The following TFEC variants were observed in gnomAD, a reference collection of about 807,000 sequenced individuals.
The protein encoded by TFEC is class E basic helix-loop-helix protein 34.
A neutral mutation model predicts 41.6 loss-of-function variants in TFEC; 31 were observed. That is an observed-to-expected ratio of 0.74 (90% CI 0.56 to 1.01). The LOEUF (loss-of-function observed/expected upper bound fraction) is 1.01, where lower values mean the gene tolerates loss of function less well. Among genes scored for constraint, TFEC ranks in the 50% least tolerant of loss-of-function variants. The pLI is 0.00. For synonymous variants in TFEC, 143 were observed against 140.6 expected (o/e 1.02, Z -0.12); for missense variants, 402 against 404.1 (o/e 0.99, Z 0.04).
intron 3 of TFEC, among the ~76,000 whole-genome samples, chr7:116,089,192 T>C (rs1797268180): frequency 1.3e-5 from 2 of 152,120 alleles, no homozygotes; most frequent in African/African-American, 4.8e-5. Flanking sequence ...ATATATCTGA[T>C]TATATAGAAT....
intron 2 of TFEC, among the ~76,000 whole-genome samples, chr7:115,983,954 C>T (rs1418155356): frequency 6.6e-6 from 1 of 152,000 alleles, no homozygotes; most frequent in Non-Finnish European, 1.5e-5. Flanking sequence ...ATAAATATTT[C>T]AACTAAATTT....
chr7:116,095,804 G>A lies in TFEC; in HGVS notation c.198+14904C>T, dbSNP rs541854638. Among the ~76,000 whole-genome samples the A allele has an allele frequency of 4.6e-5, 7 of 151,218 alleles. No homozygotes were observed. In the South Asian group the frequency reaches 1.5e-3, roughly 32 times the overall value. On this transcript the variant is annotated intron_variant, in intron 3 of 8. Coordinates refer to the TFEC transcript ENST00000484212. ...CTCTTTCTTGAATATCTCTTGCTTT[G>A]CCCTCTATCATATCACACTACTTTT...
At chr7:115,967,939 A>C (rs931527414) in intron 3 of TFEC, among the ~76,000 whole-genome samples, 1 of 151,856 alleles carries the variant, frequency 6.6e-6, no homozygotes, top group Non-Finnish European at 1.5e-5. Context: ...AAAAAGTAAT[A>C]ATAAACAGGA....
At chr7:116,064,145 T>G (rs761430853) in intron 3 of TFEC, among the ~76,000 whole-genome samples, 1 of 151,994 alleles carries the variant, frequency 6.6e-6, no homozygotes, top group Non-Finnish European at 1.5e-5. Context: ...AAAAATAACT[T>G]AAAGAGATTT....
At chr7:116,058,011 T>C (rs1030816896) in intron 3 of TFEC, among the ~76,000 whole-genome samples, 2 of 151,714 alleles carry the variant, frequency 1.3e-5, no homozygotes, top group African/African-American at 2.4e-5. Flanking sequence ...AGTATCAAGA[T>C]GACAGATTTA....
At chr7:115,951,006 C>A in intron 5 of TFEC, 57 bp from the exon 6 acceptor site, 3 of 1,055,486 alleles carry the variant, frequency 2.8e-6, no homozygotes, top group South Asian at 3.8e-5. Context: ...CACTTTTGGT[C>A]AGCTGTAAAC....
chr7:116,159,322 T>G (rs1798928945), intron 1 of TFEC, among the ~76,000 whole-genome samples: 1 of 152,022 alleles, frequency 6.6e-6, no homozygotes, highest in African/African-American at 2.4e-5. Flanking sequence ...AACCATTTTG[T>G]CTTGTGTTTT....
At chr7:116,140,115 A>G (rs1402927678) in intron 1 of TFEC, among the ~76,000 whole-genome samples, 2 of 152,208 alleles carry the variant, frequency 1.3e-5, no homozygotes, top group African/African-American at 4.8e-5. Flanking sequence ...GAGGTGAAGG[A>G]CTGTGAGGAA....
chr7:116,032,033 A>G (rs1442209729), upstream of TFEC, among the ~76,000 whole-genome samples: 1 of 152,160 alleles, frequency 6.6e-6, no homozygotes, highest in Non-Finnish European at 1.5e-5. Flanking sequence ...TTTGTATGAT[A>G]CAACATGTTT....
At chr7:116,102,678 T>C (rs1398604078) in intron 3 of TFEC, among the ~76,000 whole-genome samples, 3 of 152,220 alleles carry the variant, frequency 2.0e-5, no homozygotes, top group African/African-American at 7.2e-5. Context: ...ATTCCAGTTA[T>C]GAAGTACACA....
At chr7:116,078,391 A>G (rs1797009548) in intron 3 of TFEC, among the ~76,000 whole-genome samples, 2 of 152,116 alleles carry the variant, frequency 1.3e-5, no homozygotes, top group South Asian at 4.1e-4. Flanking sequence ...AAATGAAACA[A>G]AAAGCTGGTT....
intron 1 of TFEC, among the ~76,000 whole-genome samples, chr7:115,987,281 A>G (rs1438075419): frequency 1.3e-5 from 2 of 152,190 alleles, no homozygotes; most frequent in African/African-American, 4.8e-5. Flanking sequence ...CCCTAGAAAA[A>G]AAATCTCTGA....
intron 3 of TFEC, among the ~76,000 whole-genome samples, chr7:116,070,143 T>C (rs1196009885): frequency 1.3e-5 from 2 of 151,376 alleles, no homozygotes; most frequent in South Asian, 2.1e-4. Flanking sequence ...TCTATATATG[T>C]ATATGTGTGT....
chr7:116,139,135 G>C (rs574182670), intron 1 of TFEC, among the ~76,000 whole-genome samples: 1 of 152,130 alleles, frequency 6.6e-6, no homozygotes, highest in East Asian at 1.9e-4. Flanking sequence ...TTCCTACAAG[G>C]TGTCTCAAAA....
At chr7:116,107,316 C>A (rs1017911684) in intron 3 of TFEC, among the ~76,000 whole-genome samples, 16 of 152,162 alleles carry the variant, frequency 1.1e-4, no homozygotes, top group African/African-American at 2.4e-5. Context: ...GAACACCTGA[C>A]TTCTAAAAAA....
intron 1 of TFEC, among the ~76,000 whole-genome samples, chr7:115,998,559 A>G (rs1794459912): frequency 6.6e-6 from 1 of 151,944 alleles, no homozygotes; most frequent in South Asian, 2.1e-4. Flanking sequence ...AAAAAAAAAC[A>G]CACAACAATC....
rs570537413 is a variant in TFEC, at chr7:116,057,892, G to C, written c.198+52816C>G. On this transcript the variant is annotated intron_variant, in intron 3 of 8. Coordinates refer to the TFEC transcript ENST00000484212. ...CTAAACAAGGAATTATAGTAAGTAA[G>C]CCAACAAAGGAGATAAAATGCAATC... 3.3e-5 allele frequency among the ~76,000 whole-genome samples: 5 copies of C among 151,808 alleles called. No homozygotes were observed. In the East Asian group the frequency reaches 9.7e-4, roughly 29 times the overall value.
chr7:116,098,250 C>T (rs1388460435), intron 3 of TFEC, among the ~76,000 whole-genome samples: 1 of 151,908 alleles, frequency 6.6e-6, no homozygotes, highest in African/African-American at 2.4e-5. Context: ...ACCTCCCTCT[C>T]CCGGGTGCAA....
chr7:116,016,227 C>G (rs1795185572), intron 1 of TFEC, among the ~76,000 whole-genome samples: 1 of 152,082 alleles, frequency 6.6e-6, no homozygotes, highest in Admixed American at 6.6e-5. Context: ...ATAACTGGGT[C>G]ACTGGCAAGC....
Sources: gnomAD v4.1 joint callset for allele counts (sites outside exome capture counted in the v4.1 genomes callset) on GRCh38, gnomAD v4.1.1 for gene constraint, MANE v1.5 for transcripts, NCBI Gene and HGNC (gene_info 2026-07-23, HGNC 2026-07-21) for gene names.